Variants in LRP4 observed in about 807,000 individuals in gnomAD.
LRP4 encodes low-density lipoprotein receptor-related protein 4.
LRP4 carries 95 observed loss-of-function variants against 220.3 expected under a neutral mutation model. The observed-to-expected ratio is 0.43, with a 90% CI of 0.37 to 0.51. The LOEUF is 0.51. LRP4 is among the 20% of genes least tolerant of loss of function. The pLI is 0.00. For synonymous variants in LRP4, 903 were observed against 954.6 expected, an observed-to-expected ratio of 0.95 and a Z score of 1.00; for missense variants, 1,925 against 2,567.0, an observed-to-expected ratio of 0.75 and a Z score of 5.40.
intron 37 of LRP4, among the ~76,000 whole-genome samples, chr11:46,859,865 G>A (rs148266767): frequency 3.9e-5 from 6 of 152,260 alleles, no homozygotes; most frequent in Non-Finnish European, 7.4e-5. Flanking sequence ...AAGCTACTTC[G>A]GGTGCTAGTT....
At chr11:46,886,650 CT>C (rs1941299162) in intron 16 of LRP4, 117 bp from the exon 17 acceptor site, 2 of 838,004 alleles carry the variant, frequency 2.4e-6, no homozygotes. Context: ...ATCTGGTGCC[CT>C]TTGCCCCCTA....
rs749923759 is a variant in LRP4, at chr11:46,875,502, C to T, written c.3879G>A (p.Leu1293=). 1.2e-6 allele frequency: 2 copies of T among 1,614,162 alleles called. No individual in the cohort carries two copies. The highest frequency in any genetic ancestry group is 1.7e-6 in the Non-Finnish European group (2 of 1,180,032). The change falls in exon 27 of 38, where the codon CTG becomes CTA. Residue 1293 remains leucine (L), a synonymous_variant. Transcript: ENST00000378623. This position sits in a 1 kb window ranked among gnomAD's most constrained non-coding sequence, Gnocchi z 4.5. Reference sequence around the variant, plus strand: ...CAGCCTGCATGTCCATGAGGCCTGGCAGGTTGGACCTCACGAGGATGACAT... The same window carrying T: ...CAGCCTGCATGTCCATGAGGCCTGGTAGGTTGGACCTCACGAGGATGACAT... ...GSNVILVRSN[L]PGLMDMQAVD... is the part of the protein sequence containing the mutation.
At chr11:46,893,900 T>C (rs1316100430) in intron 12 of LRP4, among the ~76,000 whole-genome samples, 1 of 150,022 alleles carries the variant, frequency 6.7e-6, no homozygotes, top group Non-Finnish European at 1.5e-5. Context: ...ACGCTTGAAC[T>C]ATTTTTTTTT....
At position 46,890,620 on chromosome 11, in the gene LRP4, AT is replaced by A. The variant is rs886457926; in HGVS notation, c.1698-127del. 3.5e-3 allele frequency: 2,207 copies of A among 622,928 alleles called. No individual in the cohort carries two copies. The highest frequency in any genetic ancestry group is 4.0e-3 in the Non-Finnish European group (1,421 of 356,524). 38.6% of individuals were successfully genotyped at this position (622,928 alleles called of 1,614,324 possible). A position where few individuals can be genotyped will look rare whatever the true frequency, so the allele number is the denominator to read the frequency against. On this transcript the variant is annotated intron_variant, in intron 13 of 37. Coordinates refer to ENST00000378623, the MANE Select transcript of LRP4 (RefSeq NM_002334.4). The surrounding 1 kb of genome is among the most constrained non-coding windows in gnomAD (Gnocchi z 5.3). ...CTCCAATGTTTGGTCCACAGAATGA[AT>A]TTTTTTTTTAGACGGGGTCTCATTT...
At chr11:46,861,523 CTTTTTTTT>C (rs576719115) in intron 37 of LRP4, among the ~76,000 whole-genome samples, 10,342 of 83,684 alleles carry the variant, frequency 0.12, 850 homozygotes, top group Middle Eastern at 0.4. Context: ...GGAAATGGGA[CTTTTTTTT>C]TTTTTTTTTT....
Position 46,859,041 on chromosome 11 carries a change from G to A in LRP4, c.5660C>T (p.Ser1887Phe). 3 of 1,614,172 alleles carry A rather than the reference G, an allele frequency of 1.9e-6. No individual in the cohort carries two copies. Among genetic ancestry groups the A allele is most frequent in the Non-Finnish European group, 2.5e-6 (3 of 1,180,020 alleles). Residue 1887 changes from serine (S) to phenylalanine (F), a missense_variant, in exon 38 of 38, where the codon TCT becomes TTT. Ser to Phe is a radical substitution (Grantham distance 155). Coordinates refer to ENST00000378623, the MANE Select transcript of LRP4 (RefSeq NM_002334.4). Reference sequence around the variant, plus strand: ...ATGTTTCCAGCCCGTGTCTGGCAGAGAGCCTCGTCTTTCTGGAGTGGCTGC... The same window carrying A: ...ATGTTTCCAGCCCGTGTCTGGCAGAAAGCCTCGTCTTTCTGGAGTGGCTGC... ...HTAATPERRG[S>F]LPDTGWKHER...
intron 18 of LRP4, among the ~76,000 whole-genome samples, chr11:46,885,314 G>A (rs1941263411): frequency 6.6e-6 from 1 of 152,172 alleles, no homozygotes; most frequent in African/African-American, 2.4e-5. Flanking sequence ...AGTAAGTCTA[G>A]GGTGGGGCCC....
At chr11:46,906,550 G>A (rs1941763295) in intron 1 of LRP4, among the ~76,000 whole-genome samples, 1 of 152,172 alleles carries the variant, frequency 6.6e-6, no homozygotes, top group Admixed American at 6.5e-5. Flanking sequence ...CAATAATGGA[G>A]GCTGGGGTGT....
rs199969059 is a variant in LRP4, at chr11:46,859,189, G to A, written c.5512C>T (p.Arg1838Trp). ...TCTGTCTTCATGCATACATGATCCC[G>A]GAGGAGGCCCCCCCGTGAGCTTCGC... ...QLRSSRGGLL[R>W]DHVCMKTDTV... Residue 1838 changes from arginine (R) to tryptophan (W), a missense_variant, in exon 38 of 38, where the codon CGG (arginine) becomes TGG (tryptophan). Around this residue, in one of 3 missense-constraint regions of LRP4, gnomAD observed 1,244 missense variants for 1,624.9 expected, o/e 0.77. Transcript: ENST00000378623. The A allele has an allele frequency of 1.6e-5, 26 of 1,614,014 alleles. No homozygotes were observed. The highest frequency in any genetic ancestry group is 1.6e-4 in the Middle Eastern group (1 of 6,084).
At chr11:46,864,710 A>G (rs951313576) in intron 35 of LRP4, among the ~76,000 whole-genome samples, 175 bp from the exon 36 acceptor site, 11 of 152,204 alleles carry the variant, frequency 7.2e-5, no homozygotes. Context: ...GAGGAGGCTG[A>G]GAAGAAATCT....
rs1382055371 is a variant in LRP4 at position 46,889,507 on chromosome 11, C to G, written c.2119G>C (p.Gly707Arg). 1.9e-6 allele frequency: 3 copies of G among 1,613,872 alleles called. No individual in the cohort carries two copies. The highest frequency in any genetic ancestry group is 2.5e-6 in the Non-Finnish European group (3 of 1,180,028). ...GGCAGACACAGGTGCGTGCAGCCTC[C>G]GTTGTTGTCCCCACAGCGGTTTTTC... is the stretch of plus-strand genomic sequence containing the variant. ...AGKNRCGDNN[G>R]GCTHLCLPSG... Residue 707 changes from glycine to arginine, a missense_variant, in exon 16 of 38, where the codon GGA (glycine) becomes CGA (arginine). Coordinates refer to ENST00000378623, the MANE Select transcript of LRP4 (RefSeq NM_002334.4).
chr11:46,861,820 G>C (rs1030737566), intron 37 of LRP4, among the ~76,000 whole-genome samples: 5 of 152,092 alleles, frequency 3.3e-5, no homozygotes, highest in African/African-American at 1.2e-4. Context: ...TGTAATCCCA[G>C]CACTTTGGGA....
intron 1 of LRP4, among the ~76,000 whole-genome samples, chr11:46,903,626 A>G (rs761745860): frequency 2.0e-5 from 3 of 152,220 alleles, no homozygotes; most frequent in Non-Finnish European, 2.9e-5. Flanking sequence ...CACTAAAACT[A>G]GGTTGAGATA....
At chr11:46,877,668 C>T (rs1172614470) in intron 22 of LRP4, among the ~76,000 whole-genome samples, 1 of 151,942 alleles carries the variant, frequency 6.6e-6, no homozygotes, top group Non-Finnish European at 1.5e-5. Flanking sequence ...GGGGTTTCGT[C>T]ATATTGCCCA....
intron 35 of LRP4, 99 bp from the exon 36 acceptor site, chr11:46,864,634 T>C: frequency 1.2e-6 from 1 of 821,458 alleles, no homozygotes; most frequent in Non-Finnish European, 2.1e-6. Flanking sequence ...TTGTAGGTGT[T>C]GGACCCCATA....
At chr11:46,904,051 G>T (rs1209181627) in intron 1 of LRP4, among the ~76,000 whole-genome samples, 1 of 152,216 alleles carries the variant, frequency 6.6e-6, no homozygotes, top group African/African-American at 2.4e-5. Flanking sequence ...TGGAACAAAG[G>T]GTTCTGCCAG....
rs1592508699 is a variant in LRP4, at chr11:46,861,867, A to C, written c.5385+739T>G. On this transcript the variant is annotated intron_variant, in intron 37 of 37. Coordinates refer to ENST00000378623, the MANE Select transcript of LRP4 (RefSeq NM_002334.4). ...GTGGATCACCTGAGGTCAGGAGTTC[A>C]AGACCAGCCTGGTCAACATGGAGAA... Among the ~76,000 whole-genome samples, 6 of 152,116 alleles carry C rather than the reference A, an allele frequency of 3.9e-5. No individual in the cohort carries two copies. In the East Asian group the frequency reaches 9.7e-4, roughly 25 times the overall value.
rs769465803 is a variant in LRP4, at chr11:46,859,281, ATCT to A, written c.5417_5419del (p.Lys1806del). 13 of 1,613,960 alleles carry A rather than the reference ATCT, an allele frequency of 8.1e-6. No homozygotes were observed. In the African/African-American group the frequency reaches 1.1e-4, roughly 13 times the overall value. On this transcript the variant is annotated inframe_deletion, in exon 38 of 38. Coordinates refer to ENST00000378623, the MANE Select transcript of LRP4 (RefSeq NM_002334.4). ...GAGGCAGATTCCCTCTACGATCTTG[ATCT>A]TCTCCTTGGTGTAGTTATGGTCAGG...
chr11:46,898,485 CG>C (rs1198086895), intron 7 of LRP4, 72 bp downstream of exon 7: 2 of 1,600,528 alleles, frequency 1.2e-6, no homozygotes, highest in Admixed American at 3.3e-5. Context: ...CGCGCCCAGC[CG>C]GTAGTGGCCT....
Sources: gnomAD v4.1 joint callset for allele counts (sites outside exome capture counted in the v4.1 genomes callset) on GRCh38, gnomAD v4.1.1 for gene constraint, gnomAD v4.1.1 regional missense constraint, Gnocchi (gnomAD v3.1) non-coding constraint, MANE v1.5 for transcripts, NCBI Gene and HGNC (gene_info 2026-07-23, HGNC 2026-07-21) for gene names.